The following IL9R variants were observed in gnomAD, a reference collection of about 807,000 sequenced individuals.
IL9R encodes interleukin-9 receptor.
IL9R carries 54 observed loss-of-function variants against 56.3 expected under a neutral mutation model. That is an observed-to-expected ratio of 0.96 (90% CI 0.77 to 1.20). The LOEUF (loss-of-function observed/expected upper bound fraction) is 1.20, where lower values mean the gene tolerates loss of function less well. Ranked by LOEUF, IL9R falls within the 50% of genes most tolerant of loss-of-function variation. The pLI is 0.00. For missense variants in IL9R, 545 were observed against 629.8 expected (o/e 0.87, Z 1.44); for synonymous variants, 212 against 250.2 (o/e 0.85, Z 1.44).
chrX:156,009,325 T>C (rs1325355163), intron 8 of IL9R, among the ~76,000 whole-genome samples: 43 of 150,454 alleles, frequency 2.9e-4, no homozygotes, highest in Admixed American at 2.6e-3. Context: ...TGTGTTTATG[T>C]CTGTGTGTGT....
At chrX:156,001,442 AGAACTTGCCAC>A (rs2067516647) in intron 1 of IL9R, 2 of 1,611,242 alleles carry the variant, frequency 1.2e-6, no homozygotes, top group Non-Finnish European at 1.7e-6. Flanking sequence ...ACTGCTGCAG[AGAACTTGCCAC>A]GGTGTTTCAT....
Position 156,004,330 on chromosome X carries a change from G to C in IL9R, c.434-90G>C, listed in dbSNP as rs1362197296. On this transcript the variant is annotated intron_variant, in intron 4 of 8. Coordinates refer to ENST00000244174, the MANE Select transcript of IL9R (RefSeq NM_002186.3). ...TGAGAGGGCCTTGACCATTCCCCTTGGGAGTCTTTCAGACCCCAGTCTTGT... is the reference window on the plus strand; with the variant it reads ...TGAGAGGGCCTTGACCATTCCCCTTCGGAGTCTTTCAGACCCCAGTCTTGT... The C allele has an allele frequency of 5.2e-6, 7 of 1,356,368 alleles. No individual in the cohort carries two copies. In the Admixed American group the frequency reaches 1.1e-4, roughly 20 times the overall value. 84.0% of individuals were successfully genotyped at this position (1,356,368 alleles called of 1,614,324 possible). A position where few individuals can be genotyped will look rare whatever the true frequency, so the allele number is the denominator to read the frequency against.
At chrX:155,998,970 G>C (rs1440002323) in intron 1 of IL9R, among the ~76,000 whole-genome samples, 1 of 152,040 alleles carries the variant, frequency 6.6e-6, no homozygotes, top group Non-Finnish European at 1.5e-5. Flanking sequence ...CCAGGGGACT[G>C]TGCCAATATC....
intron 8 of IL9R, among the ~76,000 whole-genome samples, chrX:156,009,247 T>C: frequency 9.9e-6 from 1 of 101,236 alleles, no homozygotes; most frequent in Non-Finnish European, 2.1e-5. Context: ...GTGTGGTGTG[T>C]GTGTCTGTGT....
chrX:156,001,963 G>A (rs1279360337), intron 1 of IL9R, among the ~76,000 whole-genome samples: 4 of 152,186 alleles, frequency 2.6e-5, no homozygotes, highest in African/African-American at 9.6e-5. Context: ...GCCATCTGTT[G>A]CATGGATACC....
At chrX:156,009,423 GTATGTT>G (rs2068334513) in intron 8 of IL9R, among the ~76,000 whole-genome samples, 1 of 141,248 alleles carries the variant, frequency 7.1e-6, no homozygotes, top group Non-Finnish European at 1.5e-5. Flanking sequence ...GTGTGTTTGT[GTATGTT>G]TGTGTGTGTG....
At chrX:156,009,365 CTG>C (rs1199051750) in intron 8 of IL9R, among the ~76,000 whole-genome samples, 170 of 113,764 alleles carry the variant, frequency 1.5e-3, no homozygotes, top group African/African-American at 5.8e-3. Context: ...GTGTGTGTGT[CTG>C]TGTGTATCTG....
At chrX:156,009,352 CGTGT>C (rs1278501905) in intron 8 of IL9R, among the ~76,000 whole-genome samples, 14 of 89,612 alleles carry the variant, frequency 1.6e-4, no homozygotes, top group African/African-American at 5.0e-4. Context: ...GTGTGTGTCT[CGTGT>C]GTGTGTGTCT....
intron 8 of IL9R, among the ~76,000 whole-genome samples, chrX:156,008,699 G>A (rs1225251003): frequency 6.6e-6 from 1 of 152,212 alleles, no homozygotes; most frequent in Non-Finnish European, 1.5e-5. Context: ...CTGCAGTGAT[G>A]GAGGGTGTTG....
At chrX:156,001,289 G>A in intron 1 of IL9R, 1 of 785,982 alleles carries the variant, frequency 1.3e-6, no homozygotes, top group South Asian at 1.4e-5. Context: ...TGGGGCCTGG[G>A]TCAGCTCTCA....
intron 8 of IL9R, among the ~76,000 whole-genome samples, chrX:156,008,553 G>T (rs1361164673): frequency 6.6e-6 from 1 of 152,226 alleles, no homozygotes; most frequent in Non-Finnish European, 1.5e-5. Context: ...GGCTGAGCAG[G>T]TCAGATTGTG....
At chrX:156,007,141 A>G (rs1238450235) in intron 7 of IL9R, among the ~76,000 whole-genome samples, 1 of 149,742 alleles carries the variant, frequency 6.7e-6, no homozygotes, top group East Asian at 2.0e-4. Context: ...GATCCTTGGC[A>G]GCAAGTCTGG....
chrX:156,006,084 C>A lies in IL9R; in HGVS notation c.783C>A (p.Gly261=). ...GCCCTGGGCCCTTCCTGTCCACAGG[C>A]CCTCTGATCCCACCCTGGGGGTGGC... ...PVCFQAPQRQ[G]PLIPPWGWPG... Residue 261 remains glycine, a splice_region_variant and synonymous_variant, in exon 7 of 9, where the codon GGC becomes GGA. Coordinates refer to ENST00000244174, the MANE Select transcript of IL9R (RefSeq NM_002186.3). The A allele has an allele frequency of 1.3e-6, 2 of 1,598,828 alleles. No individual in the cohort carries two copies. Among genetic ancestry groups the A allele is most frequent in the Non-Finnish European group, 1.7e-6 (2 of 1,168,024 alleles).
In IL9R at chrX:156,005,397, T is replaced by A. The variant is rs752831262; in HGVS notation, c.699T>A (p.Asp233Glu). The A allele has an allele frequency of 9.0e-5, 145 of 1,612,936 alleles. No homozygotes were observed. The highest frequency in any genetic ancestry group is 1.2e-4 in the Non-Finnish European group (139 of 1,179,782). The change falls in exon 6 of 9, where the codon GAT becomes GAA. Residue 233 changes from aspartate to glutamate, a missense_variant. Physicochemically the swap from Asp to Glu is conservative, Grantham distance 45. This residue lies in a region of IL9R where 431 missense variants were observed against 360.0 expected (regional missense o/e 1.20). Coordinates refer to ENST00000244174, the MANE Select transcript of IL9R (RefSeq NM_002186.3). ...GTGTCCAGATGGCCACACTGGAGGA[T>A]GATGTGGTAGAGGAGGAGCGTTATA... ...RLRVQMATLEDDVVEEERYTG... is the reference protein window; with the variant it reads ...RLRVQMATLEEDVVEEERYTG...
chrX:156,004,679 C>A, intron 5 of IL9R, 114 bp downstream of exon 5: 1 of 1,075,384 alleles, frequency 9.3e-7, no homozygotes, highest in East Asian at 2.5e-5. Flanking sequence ...AAGGGAGGAA[C>A]TAGAGCGGGG....
intron 2 of IL9R, 47 bp downstream of exon 2, chrX:156,003,066 G>A (rs770050168): frequency 1.2e-5 from 20 of 1,611,094 alleles, no homozygotes; most frequent in African/African-American, 2.7e-5. Flanking sequence ...GGAGAACTAG[G>A]GCATGTTTGG....
At chrX:155,998,495 A>T (rs373024309) in intron 1 of IL9R, among the ~76,000 whole-genome samples, 26 of 151,886 alleles carry the variant, frequency 1.7e-4, no homozygotes, top group Middle Eastern at 3.4e-3. Flanking sequence ...TCTTCCTGTG[A>T]TTTATGCTGT....
Position 156,001,144 on chromosome X carries a change from G to A in IL9R, c.29-1762G>A, listed in dbSNP as rs3093482. Among the ~76,000 whole-genome samples the A allele has an allele frequency of 2.1e-3, 315 of 152,162 alleles. 2 individuals carry two copies. Among genetic ancestry groups the A allele is most frequent in the Non-Finnish European group, 1.1e-3 (73 of 67,996 alleles). Reference sequence around the variant, plus strand: ...CCATCCCCCTTCCCTGTCTAGAAACGAGGCCTGCTGAGCTTGGAGCCATCC... The same window carrying A: ...CCATCCCCCTTCCCTGTCTAGAAACAAGGCCTGCTGAGCTTGGAGCCATCC... On this transcript the variant is annotated intron_variant, in intron 1 of 8. Coordinates refer to ENST00000244174, the MANE Select transcript of IL9R (RefSeq NM_002186.3).
chrX:156,000,250 G>A (rs1358882888), intron 1 of IL9R, among the ~76,000 whole-genome samples: 1 of 152,030 alleles, frequency 6.6e-6, no homozygotes, highest in East Asian at 1.9e-4. Flanking sequence ...GTGCTTGGAG[G>A]CACAGAGATG....
Sources: gnomAD v4.1 joint callset for allele counts (sites outside exome capture counted in the v4.1 genomes callset) on GRCh38, gnomAD v4.1.1 for gene constraint, gnomAD v4.1.1 regional missense constraint, MANE v1.5 for transcripts, NCBI Gene and HGNC (gene_info 2026-07-23, HGNC 2026-07-21) for gene names.